GRIK1: variants seen among roughly 807,000 people sequenced by gnomAD.
GRIK1 encodes glutamate ionotropic receptor kainate type subunit 1, also known as glutamate receptor ionotropic, kainate 1.
A neutral mutation model predicts 105.7 loss-of-function variants in GRIK1; 69 were observed. That is an observed-to-expected ratio of 0.65 (90% CI 0.54 to 0.80). The LOEUF (loss-of-function observed/expected upper bound fraction) is 0.80, where lower values mean the gene tolerates loss of function less well. Ranked by LOEUF, GRIK1 falls within the 30% of genes least tolerant of loss-of-function variation. The pLI, the probability that GRIK1 is intolerant of heterozygous loss-of-function variation, is 0.00. For missense variants in GRIK1, 1,109 were observed against 1,167.3 expected (o/e 0.95, Z 0.73); for synonymous variants, 438 against 431.3 (o/e 1.02, Z -0.19).
At chr21:29,731,561 A>G (rs931214601) in intron 1 of GRIK1, among the ~76,000 whole-genome samples, 1 of 152,212 alleles carries the variant, frequency 6.6e-6, no homozygotes, top group Non-Finnish European at 1.5e-5. Flanking sequence ...TCTGGGCACA[A>G]CAGTTTTGGC....
chr21:29,620,790 T>TATATATAG (rs1395854796), intron 7 of GRIK1, among the ~76,000 whole-genome samples: 8 of 113,580 alleles, frequency 7.0e-5, no homozygotes, highest in African/African-American at 3.8e-4. Context: ...TAGATATATA[T>TATATATAG]ATCTATATAT....
Position 29,689,988 on chromosome 21 carries a change from G to A in GRIK1, c.287-3C>T. On this transcript the variant is annotated splice_region_variant and splice_polypyrimidine_tract_variant and intron_variant, in intron 2 of 17. Transcript: ENST00000327783. ...ACCAAGAGCCAGCTGGTCACATGCT[G>A]ATGCCCAAGGACAAGGAGAGGATGG... 1.3e-6 allele frequency: 2 copies of A among 1,528,170 alleles called. No individual in the cohort carries two copies. The highest frequency in any genetic ancestry group is 8.9e-7 in the Non-Finnish European group (1 of 1,121,034). 94.7% of individuals were successfully genotyped at this position (1,528,170 alleles called of 1,614,324 possible). A position where few individuals can be genotyped will look rare whatever the true frequency, so the allele number is the denominator to read the frequency against.
rs1322776079 is a variant in GRIK1, at chr21:29,651,226, C to T, written c.846G>A (p.Leu282=). 1 of 1,613,616 alleles carries T rather than the reference C, an allele frequency of 6.2e-7. No individual in the cohort carries two copies. Among genetic ancestry groups the T allele is most frequent in the Non-Finnish European group, 8.5e-7 (1 of 1,179,612 alleles). ...ACACGTGAGGGTTGTCAATGTTAAG[C>T]AGCCGAAACCCGGTCATGTTTACGC... ...YSGVNMTGFR[L]LNIDNPHVSS... is the part of the protein sequence containing the mutation. The change falls in exon 6 of 18, where the codon CTG becomes CTA. Residue 282 remains leucine, a synonymous_variant. Transcript: ENST00000327783.
rs890805123 is a variant in GRIK1, at chr21:29,927,925, C to CAT, written c.118+11456_118+11457dup. Among the ~76,000 whole-genome samples the CAT allele has an allele frequency of 6.6e-5, 10 of 152,086 alleles. No individual in the cohort carries two copies. The East Asian group carries it at 9.6e-4, about 15-fold the overall frequency. On this transcript the variant is annotated intron_variant, in intron 1 of 17. Coordinates refer to ENST00000327783, the MANE Select transcript of GRIK1 (RefSeq NM_001330994.2). ...AAATATACATATACACACACATATACATATATATACACACATATACATATA... is the reference window on the plus strand; with the variant it reads ...AAATATACATATACACACACATATACATATATATATACACACATATACATATA...
intron 1 of GRIK1, among the ~76,000 whole-genome samples, chr21:29,708,934 A>C (rs1336710498): frequency 1.3e-5 from 2 of 152,174 alleles, no homozygotes; most frequent in African/African-American, 4.8e-5. Flanking sequence ...GTTTTTAACA[A>C]GATTTTTGTG....
chr21:29,667,676 A>G (rs1054922932), intron 4 of GRIK1, among the ~76,000 whole-genome samples: 27 of 152,186 alleles, frequency 1.8e-4, no homozygotes, highest in Non-Finnish European at 1.0e-4. Flanking sequence ...CAGCATGTTC[A>G]TGCTCACCTG....
chr21:29,731,783 T>C (rs1402685500), intron 1 of GRIK1, among the ~76,000 whole-genome samples: 1 of 152,176 alleles, frequency 6.6e-6, no homozygotes, highest in East Asian at 1.9e-4. Context: ...TCTCATACCA[T>C]CTTAAAATGA....
chr21:29,804,449 A>T (rs1001296679), intron 1 of GRIK1, among the ~76,000 whole-genome samples: 12 of 151,380 alleles, frequency 7.9e-5, no homozygotes, highest in South Asian at 4.2e-4. Context: ...ACTCCAATTA[A>T]AAAAAAAAAT....
chr21:29,807,939 G>A (rs928632501), intron 1 of GRIK1, among the ~76,000 whole-genome samples: 3 of 152,048 alleles, frequency 2.0e-5, no homozygotes, highest in African/African-American at 4.8e-5. Context: ...TATACCTGAG[G>A]TCTTCTCATT....
chr21:29,732,555 G>C (rs1457076509), intron 1 of GRIK1, among the ~76,000 whole-genome samples: 1 of 152,126 alleles, frequency 6.6e-6, no homozygotes, highest in African/African-American at 2.4e-5. Context: ...GTTGTATTAA[G>C]ATAGAGAAGT....
intron 1 of GRIK1, among the ~76,000 whole-genome samples, chr21:29,795,028 A>ATTTTT (rs66697777): frequency 1.3e-4 from 11 of 85,228 alleles, no homozygotes; most frequent in African/African-American, 3.0e-4. Flanking sequence ...TTTGCTCTAA[A>ATTTTT]TTTTTTTTTT....
chr21:29,859,870 A>G (rs2068583802), intron 1 of GRIK1, among the ~76,000 whole-genome samples: 1 of 152,204 alleles, frequency 6.6e-6, no homozygotes, highest in African/African-American at 2.4e-5. Context: ...TGAGTAGCTT[A>G]GTTCTATCTT....
intron 7 of GRIK1, among the ~76,000 whole-genome samples, chr21:29,614,545 C>T (rs934343992): frequency 3.3e-5 from 5 of 150,316 alleles, no homozygotes; most frequent in African/African-American, 1.2e-4. Context: ...TCCCAAGTAG[C>T]TGGGGTTACG....
intron 1 of GRIK1, among the ~76,000 whole-genome samples, chr21:29,859,363 A>T (rs912719977): frequency 2.6e-5 from 4 of 151,680 alleles, no homozygotes; most frequent in African/African-American, 9.7e-5. Flanking sequence ...AAGTATAATA[A>T]AAAAGTATAT....
chr21:29,567,563 G>A (rs1334474602), intron 14 of GRIK1, among the ~76,000 whole-genome samples: 1 of 152,036 alleles, frequency 6.6e-6, no homozygotes, highest in African/African-American at 2.4e-5. Context: ...CTTATCAAAA[G>A]TGATCTTATA....
At chr21:29,650,993 C>A (rs1165557143) in intron 6 of GRIK1, 125 bp downstream of exon 6, 2 of 648,170 alleles carry the variant, frequency 3.1e-6, no homozygotes, top group East Asian at 3.0e-5. Flanking sequence ...CAAACTCTTT[C>A]TTCTCTACTG....
chr21:29,707,741 C>CA (rs1319341874), intron 1 of GRIK1, among the ~76,000 whole-genome samples: 1 of 152,008 alleles, frequency 6.6e-6, no homozygotes, highest in Non-Finnish European at 1.5e-5. Context: ...CTCGGCCTCC[C>CA]AAAGTGCTGG....
intron 7 of GRIK1, among the ~76,000 whole-genome samples, chr21:29,633,676 A>G (rs963166897): frequency 2.0e-5 from 3 of 152,162 alleles, no homozygotes; most frequent in Non-Finnish European, 2.9e-5. Flanking sequence ...AATCTATTTT[A>G]TCCATCCAGA....
intron 1 of GRIK1, among the ~76,000 whole-genome samples, chr21:29,906,597 G>GT (rs2070649500): frequency 3.9e-5 from 6 of 151,902 alleles, no homozygotes; most frequent in Admixed American, 2.6e-4. Flanking sequence ...CTAGCTTTTG[G>GT]TTTATAGGCT....
Sources: allele counts gnomAD v4.1 joint callset (sites outside exome capture counted in the v4.1 genomes callset), GRCh38; gene constraint gnomAD v4.1.1; transcripts MANE v1.5; gene names NCBI Gene and HGNC (gene_info 2026-07-23, HGNC 2026-07-21).